Variants in IRF2 observed in about 807,000 individuals in gnomAD.
IRF2 encodes interferon regulatory factor 2.
In IRF2, 15 loss-of-function variants were observed where a neutral mutation model predicts 40.6. The ratio of observed to expected loss-of-function variants is 0.37; its 90% CI spans 0.25 to 0.57. The LOEUF (loss-of-function observed/expected upper bound fraction) is 0.57. Among genes scored for constraint, IRF2 ranks in the 20% least tolerant of loss-of-function variants. The pLI, the probability that IRF2 is intolerant of heterozygous loss-of-function variation, is 0.77. For synonymous variants in IRF2, 151 were observed against 165.5 expected (o/e 0.91, Z 0.67); for missense variants, 317 against 455.7 (o/e 0.70, Z 2.77).
At position 184,406,043 on chromosome 4, in the gene IRF2, A is replaced by G. The variant is rs142742730; in HGVS notation, c.529+2115T>C. On this transcript the variant is annotated intron_variant, in intron 6 of 8. Transcript: ENST00000393593. ...TGCGATGTAAGGGTTCACATCTCAT[A>G]TGGAGTTTCATCTTGCTAAGAGCAT... 3.1e-3 allele frequency among the ~76,000 whole-genome samples: 476 copies of G among 152,190 alleles called. 3 individuals are homozygous for G. Among genetic ancestry groups the G allele is most frequent in the Non-Finnish European group, 5.1e-3 (350 of 68,004 alleles).
intron 1 of IRF2, among the ~76,000 whole-genome samples, chr4:184,441,520 T>C (rs970277821): frequency 1.3e-5 from 2 of 152,214 alleles, no homozygotes; most frequent in African/African-American, 2.4e-5. Context: ...AAAAGCCTGA[T>C]GCACACTCTG....
intron 3 of IRF2, 53 bp downstream of exon 3, chr4:184,419,416 C>T (rs1737398824): frequency 8.1e-7 from 1 of 1,237,628 alleles, no homozygotes; most frequent in South Asian, 1.2e-5. Context: ...GTAATAAAAA[C>T]AAAACTAAGC....
At chr4:184,456,783 T>C (rs1738956636) in intron 1 of IRF2, among the ~76,000 whole-genome samples, 1 of 152,268 alleles carries the variant, frequency 6.6e-6, no homozygotes, top group Non-Finnish European at 1.5e-5. Flanking sequence ...GTACCGAGTC[T>C]ACGCGAGTCC....
intron 1 of IRF2, among the ~76,000 whole-genome samples, chr4:184,468,863 G>A (rs1561133202): frequency 6.6e-6 from 1 of 152,082 alleles, no homozygotes; most frequent in Non-Finnish European, 1.5e-5. Flanking sequence ...CCCTCCCCAG[G>A]TGATTTTCAC....
At chr4:184,455,573 C>T (rs712034) in intron 1 of IRF2, among the ~76,000 whole-genome samples, 15,321 of 151,846 alleles carry the variant, frequency 0.1, 2,567 homozygotes, top group African/African-American at 0.35. Context: ...CAGTAGCTTG[C>T]ACATAATGAC....
rs563391386 is a variant in IRF2 at position 184,448,486 on chromosome 4, G to A, written c.-6-19416C>T. On this transcript the variant is annotated intron_variant, in intron 1 of 8. Coordinates refer to ENST00000393593, the MANE Select transcript of IRF2 (RefSeq NM_002199.4). The surrounding 1 kb of genome is among the most constrained non-coding windows in gnomAD (Gnocchi z 4.3). ...TTGTGTAGAAGAGGAGAAATAAGAC[G>A]GCCAAAGAGCTCTCGTGCGTATTTG... 3.3e-4 allele frequency among the ~76,000 whole-genome samples: 50 copies of A among 152,198 alleles called. No individual in the cohort carries two copies. Among genetic ancestry groups the A allele is most frequent in the African/African-American group, 1.2e-3 (48 of 41,506 alleles).
intron 7 of IRF2, among the ~76,000 whole-genome samples, chr4:184,392,437 G>C (rs1037355219): frequency 6.6e-6 from 1 of 152,260 alleles, no homozygotes; most frequent in African/African-American, 2.4e-5. Flanking sequence ...CTATGGGTCA[G>C]TGCCATGTCA....
In IRF2 at chr4:184,415,928, G is replaced by A. The variant is rs114260569; in HGVS notation, c.411+2239C>T. Among the ~76,000 whole-genome samples the A allele has an allele frequency of 6.2e-3, 941 of 152,306 alleles. 13 individuals are homozygous for A. Among genetic ancestry groups the A allele is most frequent in the African/African-American group, 0.021 (891 of 41,550 alleles). On this transcript the variant is annotated intron_variant, in intron 5 of 8. Transcript: ENST00000393593. The stretch of plus-strand genomic sequence containing the variant: ...ATAATGGGAAAAGAGTAGTAAATAC[G>A]ATTCAGTCACACTTGAAATTGTAGC...
At chr4:184,407,065 G>C in intron 6 of IRF2, 1 of 532,200 alleles carries the variant, frequency 1.9e-6, no homozygotes, top group East Asian at 6.9e-5. Flanking sequence ...GTTTTATCAA[G>C]AAACACAACA....
rs745405030 is a variant in IRF2 at position 184,418,550 on chromosome 4, C to T, written c.346G>A (p.Glu116Lys). ...FRVYRMLPLSERPSKKGKKPK... is the reference protein window; with the variant it reads ...FRVYRMLPLSKRPSKKGKKPK... ...CCTTTACCTTTCTTAGAAGGCCGTTCTGATAGGGGCAGCATTCGGTAGACC... is the reference window on the plus strand; with the variant it reads ...CCTTTACCTTTCTTAGAAGGCCGTTTTGATAGGGGCAGCATTCGGTAGACC... Residue 116 changes from glutamate to lysine, a missense_variant, in exon 4 of 9, where the codon GAA (glutamate) becomes AAA (lysine). Around this residue, in one of 2 missense-constraint regions of IRF2, gnomAD observed 262 missense variants for 334.0 expected, o/e 0.78. Coordinates refer to ENST00000393593, the MANE Select transcript of IRF2 (RefSeq NM_002199.4). 1.2e-6 allele frequency: 2 copies of T among 1,614,178 alleles called. No individual in the cohort carries two copies. The highest frequency in any genetic ancestry group is 2.2e-5 in the East Asian group (1 of 44,888).
intron 1 of IRF2, among the ~76,000 whole-genome samples, chr4:184,460,726 G>A (rs1280228156): frequency 2.6e-5 from 4 of 151,772 alleles, no homozygotes; most frequent in Non-Finnish European, 5.9e-5. Context: ...CACGCGAAGA[G>A]AGAAAAGGAA....
Position 184,407,967 on chromosome 4 carries a change from T to TAA in IRF2, c.529+189_529+190dup, listed in dbSNP as rs200985947. Among the ~76,000 whole-genome samples the TAA allele has an allele frequency of 9.8e-3, 1,486 of 152,326 alleles. 12 individuals are homozygous for TAA. Among genetic ancestry groups the TAA allele is most frequent in the Middle Eastern group, 0.044 (13 of 294 alleles). On this transcript the variant is annotated intron_variant, in intron 6 of 8. Coordinates refer to ENST00000393593, the MANE Select transcript of IRF2 (RefSeq NM_002199.4). ...CTTCTTCCACGGAGGCTGACCCGTC[T>TAA]AAGTTCCTTTATCTGATCCTCAAAA... is the stretch of plus-strand genomic sequence containing the variant.
At chr4:184,429,341 T>A (rs1332875445) in intron 1 of IRF2, among the ~76,000 whole-genome samples, 1 of 152,120 alleles carries the variant, frequency 6.6e-6, no homozygotes, top group African/African-American at 2.4e-5. Flanking sequence ...CCCACACTCC[T>A]CCCCAGGAAT....
At chr4:184,403,762 T>G (rs1736753191) in intron 6 of IRF2, among the ~76,000 whole-genome samples, 1 of 152,262 alleles carries the variant, frequency 6.6e-6, no homozygotes, top group African/African-American at 2.4e-5. Context: ...GAATCTCACC[T>G]TAGTGAGTCT....
In IRF2 at chr4:184,408,049, C is replaced by G. The variant is rs538832814; in HGVS notation, c.529+109G>C. 18 of 663,890 alleles carry G rather than the reference C, an allele frequency of 2.7e-5. No individual in the cohort carries two copies. In the Admixed American group the frequency reaches 4.3e-4, roughly 16 times the overall value. The allele number at this position is 663,890 out of a possible 1,614,324, so 41.1% of individuals were successfully genotyped here. A position where few individuals can be genotyped will look rare whatever the true frequency, so the allele number is the denominator to read the frequency against. ...CTGGAACTTGCATTCTGAGATGATT[C>G]CAAGACCTCCTCCCACTGACTATGT... is the stretch of plus-strand genomic sequence containing the variant. On this transcript the variant is annotated intron_variant, in intron 6 of 8. Transcript: ENST00000393593. This position sits in a 1 kb window ranked among gnomAD's most constrained non-coding sequence, Gnocchi z 4.9.
At chr4:184,416,328 C>CAA (rs35274774) in intron 5 of IRF2, among the ~76,000 whole-genome samples, 7 of 100,168 alleles carry the variant, frequency 7.0e-5, no homozygotes, top group Non-Finnish European at 1.2e-4. Context: ...AAAAAAAAAA[C>CAA]AAAAAAAAAA....
intron 1 of IRF2, among the ~76,000 whole-genome samples, chr4:184,469,238 T>C (rs1377703012): frequency 1.3e-5 from 2 of 152,172 alleles, no homozygotes; most frequent in African/African-American, 4.8e-5. Context: ...GGTGAGTTTC[T>C]CTCACACGGA....
intron 7 of IRF2, among the ~76,000 whole-genome samples, chr4:184,395,391 C>A (rs995117738): frequency 1.7e-5 from 2 of 115,376 alleles, no homozygotes; most frequent in Admixed American, 1.3e-4. Context: ...CCAGCCTGGG[C>A]GACAGAGCGA....
chr4:184,461,053 T>G (rs1739127054), intron 1 of IRF2, among the ~76,000 whole-genome samples: 1 of 152,230 alleles, frequency 6.6e-6, no homozygotes, highest in South Asian at 2.1e-4. Context: ...ATATCTTTCA[T>G]CAGCTTCCTT....
Sources: allele counts gnomAD v4.1 joint callset (sites outside exome capture counted in the v4.1 genomes callset), GRCh38; gene constraint gnomAD v4.1.1; regional missense constraint gnomAD v4.1.1; non-coding constraint Gnocchi (gnomAD v3.1); transcripts MANE v1.5; gene names NCBI Gene and HGNC (gene_info 2026-07-23, HGNC 2026-07-21).